ARB2A: variants seen among roughly 807,000 people sequenced by gnomAD.
ARB2A encodes cotranscriptional regulator ARB2A.
At chr5:94,031,436 A>C in the ARB2A span, among the ~76,000 whole-genome samples, 3 of 152,208 alleles carry the variant, frequency 2.0e-5, no homozygotes, top group Admixed American at 6.5e-5. Context: ...GACTTAATAG[A>C]GGGCCAAACT....
the ARB2A span, among the ~76,000 whole-genome samples, chr5:93,816,375 A>G: frequency 6.6e-6 from 1 of 152,246 alleles, no homozygotes; most frequent in Non-Finnish European, 1.5e-5. Context: ...TCTATCATTA[A>G]GATCTTTTAT....
chr5:93,683,404 A>C, the ARB2A span: 4 of 1,602,704 alleles, frequency 2.5e-6, no homozygotes, highest in Non-Finnish European at 3.4e-6. Context: ...CTGGCCCTGA[A>C]CCACACTTCA....
chr5:94,038,405 T>A, the ARB2A span, among the ~76,000 whole-genome samples: 2 of 152,112 alleles, frequency 1.3e-5, no homozygotes, highest in African/African-American at 4.8e-5. Context: ...CTCCTTAAGC[T>A]AACAGTATTT....
the ARB2A span, among the ~76,000 whole-genome samples, chr5:93,785,187 G>A: frequency 1.1e-4 from 16 of 152,090 alleles, no homozygotes; most frequent in African/African-American, 3.6e-4. Context: ...GAATTCATCA[G>A]TGGTCTGCCA....
chr5:93,634,069 C>T, the ARB2A span, among the ~76,000 whole-genome samples: 1 of 152,012 alleles, frequency 6.6e-6, no homozygotes, highest in African/African-American at 2.4e-5. Context: ...GGTCGCAAAT[C>T]TACCTTATAT....
chr5:93,679,929 T>TCA, the ARB2A span, among the ~76,000 whole-genome samples: 1 of 152,078 alleles, frequency 6.6e-6, no homozygotes. Context: ...GTGGTAATGT[T>TCA]GTATTTATAG....
At chr5:93,917,514 C>G in the ARB2A span, among the ~76,000 whole-genome samples, 2 of 151,984 alleles carry the variant, frequency 1.3e-5, no homozygotes, top group African/African-American at 4.8e-5. Flanking sequence ...CAAATGTTTG[C>G]ATGATTGTTA....
chr5:93,940,633 C>G, the ARB2A span, among the ~76,000 whole-genome samples: 4 of 151,862 alleles, frequency 2.6e-5, no homozygotes, highest in Non-Finnish European at 5.9e-5. Flanking sequence ...GTATCAGAAG[C>G]ATACTGAGCA....
the ARB2A span, among the ~76,000 whole-genome samples, chr5:93,852,208 T>C: frequency 6.6e-6 from 1 of 152,090 alleles, no homozygotes; most frequent in Non-Finnish European, 1.5e-5. Flanking sequence ...TGGCCAGTGA[T>C]GGTGAGCATT....
chr5:93,690,972 T>A, the ARB2A span, among the ~76,000 whole-genome samples: 1 of 151,790 alleles, frequency 6.6e-6, no homozygotes, highest in Non-Finnish European at 1.5e-5. Flanking sequence ...AACAGAAGAA[T>A]AGCATAACAT....
At chr5:94,037,486 T>G in the ARB2A span, among the ~76,000 whole-genome samples, 4 of 152,148 alleles carry the variant, frequency 2.6e-5, no homozygotes. Context: ...ATGAATAGCC[T>G]AATCAACACA....
At chr5:93,844,806 T>C in the ARB2A span, among the ~76,000 whole-genome samples, 1 of 152,284 alleles carries the variant, frequency 6.6e-6, no homozygotes, top group African/African-American at 2.4e-5. Flanking sequence ...TACAACTATA[T>C]TATCATTTAA....
At chr5:93,895,655 C>A in the ARB2A span, among the ~76,000 whole-genome samples, 1 of 151,942 alleles carries the variant, frequency 6.6e-6, no homozygotes, top group African/African-American at 2.4e-5. Flanking sequence ...ATGCAAAACT[C>A]AAATCAGGAA....
chr5:93,627,514 G>A, the ARB2A span, among the ~76,000 whole-genome samples: 1 of 135,494 alleles, frequency 7.4e-6, no homozygotes, highest in Non-Finnish European at 1.5e-5. Context: ...GCATGATCTT[G>A]GCTCACTGCA....
the ARB2A span, among the ~76,000 whole-genome samples, chr5:93,873,927 GAATT>G: frequency 6.6e-6 from 1 of 152,148 alleles, no homozygotes; most frequent in African/African-American, 2.4e-5. Flanking sequence ...CAGAAAGGAT[GAATT>G]CTACTTTACT....
At chr5:93,741,635 C>T in the ARB2A span, 2 of 1,428,996 alleles carry the variant, frequency 1.4e-6, no homozygotes, top group Admixed American at 2.9e-5. Flanking sequence ...GCCACCGGCC[C>T]CCTCAAGCCC....
the ARB2A span, among the ~76,000 whole-genome samples, chr5:93,715,641 G>A: frequency 6.8e-6 from 1 of 147,214 alleles, no homozygotes; most frequent in African/African-American, 2.5e-5. Context: ...CCTTTCCCCC[G>A]CCTTTTTTTT....
At chr5:93,877,317 G>C in the ARB2A span, among the ~76,000 whole-genome samples, 1 of 152,098 alleles carries the variant, frequency 6.6e-6, no homozygotes, top group African/African-American at 2.4e-5. Flanking sequence ...TCTATTAACT[G>C]ACCTTCCTTG....
the ARB2A span, among the ~76,000 whole-genome samples, chr5:94,043,570 T>A: frequency 2.0e-5 from 3 of 152,218 alleles, no homozygotes; most frequent in Non-Finnish European, 2.9e-5. Context: ...CTTTAAGGAA[T>A]CAAATTTGAC....
Sources: gnomAD v4.1 joint callset for allele counts (sites outside exome capture counted in the v4.1 genomes callset) on GRCh38, gnomAD v4.1.1 for gene constraint, MANE v1.5 for transcripts, NCBI Gene and HGNC (gene_info 2026-07-23, HGNC 2026-07-21) for gene names.